Variants in CTCFL observed in about 807,000 individuals in gnomAD.
The protein encoded by CTCFL is CCCTC-binding factor like.
A neutral mutation model predicts 67.4 loss-of-function variants in CTCFL; 36 were observed. The observed-to-expected ratio is 0.53, with a 90% confidence interval of 0.41 to 0.71. The LOEUF (loss-of-function observed/expected upper bound fraction) is 0.71. Ranked by LOEUF, CTCFL falls within the 30% of genes least tolerant of loss-of-function variation. The probability of loss-of-function intolerance (pLI) is 0.00; values close to 1 mark genes in which losing one functional copy is unlikely to be tolerated. For missense variants in CTCFL, 786 were observed against 835.2 expected, an observed-to-expected ratio of 0.94 and a Z score of 0.73; for synonymous variants, 324 against 302.3, an observed-to-expected ratio of 1.07 and a Z score of -0.75.
rs781718246 is a variant in CTCFL, at chr20:57,518,821, C to A, written c.996G>T (p.Arg332Ser). ...GTTTCTCATGAGTATGTTTATAGCG[C>A]CTGTGTCGGACGAGTTCTCCACTGG... ...FVTSGELVRH[R>S]RYKHTHEKPF... Residue 332 changes from arginine (R) to serine (S), a missense_variant, in exon 5 of 11, where the codon AGG (arginine) becomes AGT (serine). Coordinates refer to ENST00000243914, the MANE Select transcript of CTCFL (RefSeq NM_001386993.1). The A allele has an allele frequency of 1.9e-6, 3 of 1,614,132 alleles. No individual in the cohort carries two copies. Among genetic ancestry groups the A allele is most frequent in the Non-Finnish European group, 2.5e-6 (3 of 1,180,036 alleles).
At position 57,503,551 on chromosome 20, in the gene CTCFL, C is replaced by A. The variant is rs114503439; in HGVS notation, c.1725G>T (p.Ser575=). The change falls in exon 10 of 11, where the codon TCG becomes TCT. Residue 575 remains serine (S), a synonymous_variant. Coordinates refer to ENST00000243914, the MANE Select transcript of CTCFL (RefSeq NM_001386993.1). ...SEKCGSGEAK[S]AASGKGRRTR... is the part of the protein sequence containing the mutation. ...TTCTTCTTCCCTTTCCTGAAGCAGC[C>A]GACTTTGCTTCCCCTGATCCACACT... The A allele has an allele frequency of 1.9e-6, 3 of 1,613,988 alleles. No individual in the cohort carries two copies. The highest frequency in any genetic ancestry group is 1.7e-6 in the Non-Finnish European group (2 of 1,180,010).
chr20:57,506,184 G>A (rs962521136), intron 9 of CTCFL, among the ~76,000 whole-genome samples: 7 of 152,198 alleles, frequency 4.6e-5, no homozygotes, highest in Non-Finnish European at 1.0e-4. Flanking sequence ...ATGACACAAG[G>A]GCAGACTCAA....
Position 57,497,817 on chromosome 20 carries a change from C to T in CTCFL, c.*733G>A. On this transcript the variant is annotated 3_prime_UTR_variant, in exon 11 of 11. Transcript: ENST00000243914. Reference sequence around the variant, plus strand: ...TAATGGAATGTAACCAGGGCAATTTCATACCTGCCAAGGAGCATAATTAAA... The same window carrying T: ...TAATGGAATGTAACCAGGGCAATTTTATACCTGCCAAGGAGCATAATTAAA... The T allele has an allele frequency of 1.0e-6, 1 of 985,296 alleles. No individual in the cohort carries two copies. Among genetic ancestry groups the T allele is most frequent in the Non-Finnish European group, 1.2e-6 (1 of 829,816 alleles). The allele number at this position is 985,296 out of a possible 1,614,324, so 61.0% of individuals were successfully genotyped here. A position where few individuals can be genotyped will look rare whatever the true frequency, so the allele number is the denominator to read the frequency against.
At chr20:57,509,646 A>T (rs1314109391) in intron 8 of CTCFL, among the ~76,000 whole-genome samples, 1 of 152,174 alleles carries the variant, frequency 6.6e-6, no homozygotes, top group East Asian at 1.9e-4. Flanking sequence ...AAAAGTACAC[A>T]TTTTGTTTTA....
At chr20:57,508,860 T>C (rs2146333039) in intron 8 of CTCFL, 72 bp from the exon 9 acceptor site, 2 of 1,333,892 alleles carry the variant, frequency 1.5e-6, no homozygotes, top group Non-Finnish European at 2.1e-6. Context: ...CTGTTTATCA[T>C]ACAATACCTT....
At position 57,497,849 on chromosome 20, in the gene CTCFL, T is replaced by C. The variant is rs1298244516; in HGVS notation, c.*701A>G. 2 of 984,856 alleles carry C rather than the reference T, an allele frequency of 2.0e-6. No individual in the cohort carries two copies. The highest frequency in any genetic ancestry group is 2.4e-6 in the Non-Finnish European group (2 of 829,448). The allele number at this position is 984,856 out of a possible 1,614,324, so 61.0% of individuals were successfully genotyped here. On this transcript the variant is annotated 3_prime_UTR_variant, in exon 11 of 11. Transcript: ENST00000243914. Reference sequence around the variant, plus strand: ...GCCAAGGAGCATAATTAAAAGAGAATACAAAAATCTAAAGGTGAACCTTGC... The same window carrying C: ...GCCAAGGAGCATAATTAAAAGAGAACACAAAAATCTAAAGGTGAACCTTGC...
At chr20:57,507,590 G>T (rs2068280425) in intron 9 of CTCFL, 1 of 703,024 alleles carries the variant, frequency 1.4e-6, no homozygotes, top group Non-Finnish European at 2.6e-6. Flanking sequence ...CACTCAAGCA[G>T]CCCTGCAGAG....
chr20:57,513,609 A>C (rs1458323829), intron 7 of CTCFL: 1 of 1,138,980 alleles, frequency 8.8e-7, no homozygotes, highest in African/African-American at 1.6e-5. Flanking sequence ...CTTGTGCCCC[A>C]CCAAGCCCCA....
intron 9 of CTCFL, among the ~76,000 whole-genome samples, chr20:57,503,930 A>G (rs2146298127): frequency 6.7e-6 from 1 of 148,234 alleles, no homozygotes; most frequent in South Asian, 2.1e-4. Context: ...GAGTGACAGA[A>G]AAAAAAAAAA....
At position 57,519,200 on chromosome 20, in the gene CTCFL, G is replaced by T. The variant is rs1430291507; in HGVS notation, c.925+7C>A. On this transcript the variant is annotated splice_region_variant and intron_variant, in intron 4 of 10. Coordinates refer to ENST00000243914, the MANE Select transcript of CTCFL (RefSeq NM_001386993.1). ...TTCCAGAGAAACAGCCTTCCCGGCA[G>T]TTTTACCTGTGTGGGTGTTAACATG... The T allele has an allele frequency of 9.9e-6, 16 of 1,613,606 alleles. No homozygotes were observed. The highest frequency in any genetic ancestry group is 1.3e-5 in the African/African-American group (1 of 74,934).
intron 8 of CTCFL, 72 bp downstream of exon 8, chr20:57,512,520 G>A: frequency 1.4e-6 from 2 of 1,457,142 alleles, no homozygotes; most frequent in East Asian, 4.6e-5. Context: ...TCTTCAAGGT[G>A]GTAGAGAATC....
chr20:57,522,883 T>G (rs187489191), intron 3 of CTCFL, among the ~76,000 whole-genome samples, 185 bp downstream of exon 3: 1 of 152,362 alleles, frequency 6.6e-6, no homozygotes, highest in East Asian at 1.9e-4. Flanking sequence ...AACGTTTGTG[T>G]GTAAAGTGCA....
chr20:57,501,900 G>C (rs904590467), intron 10 of CTCFL, among the ~76,000 whole-genome samples: 1 of 152,236 alleles, frequency 6.6e-6, no homozygotes, highest in Non-Finnish European at 1.5e-5. Flanking sequence ...GGGCAGGCTC[G>C]TCCCCACCCT....
At chr20:57,518,403 T>G in intron 5 of CTCFL, 1 of 725,344 alleles carries the variant, frequency 1.4e-6, no homozygotes, top group Non-Finnish European at 2.0e-6. Flanking sequence ...AACATTGAGA[T>G]TGGATCTGCA....
At chr20:57,501,235 C>T (rs1330066774) in intron 10 of CTCFL, among the ~76,000 whole-genome samples, 2 of 152,214 alleles carry the variant, frequency 1.3e-5, no homozygotes, top group Non-Finnish European at 2.9e-5. Flanking sequence ...GGGAATCCGG[C>T]ACTTATTAAA....
At chr20:57,516,419 C>T (rs2068927608) in intron 5 of CTCFL, among the ~76,000 whole-genome samples, 1 of 152,126 alleles carries the variant, frequency 6.6e-6, no homozygotes, top group South Asian at 2.1e-4. Flanking sequence ...CACCTGTGGT[C>T]CCAGCTACTC....
chr20:57,513,351 T>G, intron 7 of CTCFL: 3 of 986,482 alleles, frequency 3.0e-6, no homozygotes, highest in Non-Finnish European at 3.6e-6. Flanking sequence ...TAAAGCATGA[T>G]GGTCTTGTGA....
intron 10 of CTCFL, 59 bp downstream of exon 10, chr20:57,503,377 G>A: frequency 6.3e-7 from 1 of 1,595,768 alleles, no homozygotes; most frequent in Non-Finnish European, 8.6e-7. Flanking sequence ...CGGCACCCAG[G>A]ATAGTCACAA....
rs540589427 is a variant in CTCFL, at chr20:57,523,393, C to T, written c.544-115G>A. The T allele has an allele frequency of 4.6e-5, 50 of 1,075,274 alleles. No individual in the cohort carries two copies. In the African/African-American group the frequency reaches 6.9e-4, roughly 15 times the overall value. The allele number at this position is 1,075,274 out of a possible 1,614,324, so 66.6% of individuals were successfully genotyped here. ...AGCCAAAGTGGAAGATTATGCATCA[C>T]AATGTTAATTATTTCGCATCAGGGT... On this transcript the variant is annotated intron_variant, in intron 2 of 10. Coordinates refer to ENST00000243914, the MANE Select transcript of CTCFL (RefSeq NM_001386993.1).
Sources: allele counts gnomAD v4.1 joint callset (sites outside exome capture counted in the v4.1 genomes callset), GRCh38; gene constraint gnomAD v4.1.1; transcripts MANE v1.5; gene names NCBI Gene and HGNC (gene_info 2026-07-23, HGNC 2026-07-21).